The following NAV1 variants were observed in gnomAD, a reference collection of about 807,000 sequenced individuals.
The protein encoded by NAV1 is pore membrane and/or filament interacting like protein 3.
In NAV1, 18 loss-of-function variants were observed where a neutral mutation model predicts 175.2. The ratio of observed to expected loss-of-function variants is 0.10; its 90% CI spans 0.07 to 0.15. NAV1 has a LOEUF of 0.15. Among genes scored for constraint, NAV1 ranks in the 10% least tolerant of loss-of-function variants. The pLI, the probability that NAV1 is intolerant of heterozygous loss-of-function variation, is 1.00. For synonymous variants in NAV1, 897 were observed against 978.7 expected (o/e 0.92, Z 1.56); for missense variants, 1,731 against 2,436.6 (o/e 0.71, Z 6.10).
At chr1:201,641,435 G>C (rs12406293) in intron 2 of NAV1, among the ~76,000 whole-genome samples, 9 of 152,138 alleles carry the variant, frequency 5.9e-5, no homozygotes, top group Admixed American at 5.9e-4. Context: ...AGCCTACCAA[G>C]GCTCCCATCT....
At chr1:201,612,841 G>A (rs956859294) in intron 2 of NAV1, among the ~76,000 whole-genome samples, 2 of 152,124 alleles carry the variant, frequency 1.3e-5, no homozygotes, top group African/African-American at 2.4e-5. Flanking sequence ...GAGTGAGTGT[G>A]TGTATGTCTG....
chr1:201,754,276 A>G (rs1174517576), intron 3 of NAV1, among the ~76,000 whole-genome samples: 1 of 152,196 alleles, frequency 6.6e-6, no homozygotes, highest in Admixed American at 6.5e-5. Context: ...GAAGAGGAAC[A>G]CCAGTAAGTC....
intron 15 of NAV1, among the ~76,000 whole-genome samples, chr1:201,802,136 CAAAAA>C (rs771631007): frequency 2.5e-4 from 5 of 20,302 alleles, no homozygotes; most frequent in Non-Finnish European, 5.5e-4. Flanking sequence ...GACTCCGTCT[CAAAAA>C]AAAAAAAAAA....
chr1:201,630,422 C>G (rs1438400049), intron 2 of NAV1, among the ~76,000 whole-genome samples: 1 of 152,226 alleles, frequency 6.6e-6, no homozygotes, highest in Non-Finnish European at 1.5e-5. Context: ...GCGGGCCAAG[C>G]TGGGGCTTAG....
intron 13 of NAV1, 26 bp from the exon 18 acceptor site, chr1:201,793,766 G>A: frequency 6.2e-7 from 1 of 1,607,212 alleles, no homozygotes; most frequent in Non-Finnish European, 8.5e-7. Context: ...ATGCAACTTA[G>A]CAATCTCTTT....
intron 2 of NAV1, among the ~76,000 whole-genome samples, chr1:201,612,604 G>A (rs999399013): frequency 6.6e-6 from 1 of 152,226 alleles, no homozygotes; most frequent in Non-Finnish European, 1.5e-5. Flanking sequence ...TCACGTGGTG[G>A]AAGAAAGGGG....
chr1:201,668,917 C>T lies in NAV1; in HGVS notation c.757+19492C>T, dbSNP rs113321299. On this transcript the variant is annotated intron_variant, in intron 1 of 29. Transcript: ENST00000367296. ...CTCCTCTGTTGAGCAGAGCCATGGG[C>T]GGTGTGCTGAGAAACAGCATCGGGT... Among the ~76,000 whole-genome samples the T allele has an allele frequency of 9.6e-3, 1,455 of 152,190 alleles. 21 individuals carry two copies. Among genetic ancestry groups the T allele is most frequent in the African/African-American group, 0.033 (1,362 of 41,520 alleles).
chr1:201,586,758 T>C (rs1467776119), intron 1 of NAV1, among the ~76,000 whole-genome samples: 2 of 152,190 alleles, frequency 1.3e-5, no homozygotes, highest in African/African-American at 4.8e-5. Flanking sequence ...CCCACTGATA[T>C]GATCTCATTT....
intron 1 of NAV1, among the ~76,000 whole-genome samples, chr1:201,685,383 C>T (rs1670644635): frequency 6.6e-6 from 1 of 152,214 alleles, no homozygotes; most frequent in Non-Finnish European, 1.5e-5. Flanking sequence ...AAACTCAGAC[C>T]AGCCCCATCA....
At chr1:201,735,837 G>A (rs945484652) in intron 3 of NAV1, among the ~76,000 whole-genome samples, 1 of 152,174 alleles carries the variant, frequency 6.6e-6, no homozygotes, top group Non-Finnish European at 1.5e-5. Context: ...TGGGGGATCT[G>A]GGAGCAGGTT....
At position 201,554,190 on chromosome 1, in the gene NAV1, T is replaced by C. The variant is rs186446220; in HGVS notation, c.-144+14848T>C. On this transcript the variant is annotated intron_variant, in intron 1 of 33. Coordinates refer to the NAV1 transcript ENST00000685211. ...ACAGAATGTTATTCTTTAATCTGAA[T>C]TGAGCTGACACGTGTTGACAGACAG... Among the ~76,000 whole-genome samples the C allele has an allele frequency of 1.1e-4, 17 of 152,304 alleles. No homozygotes were observed. The South Asian group carries it at 2.3e-3, about 20-fold the overall frequency.
At chr1:201,776,750 A>T (rs189800227) in intron 3 of NAV1, among the ~76,000 whole-genome samples, 8 of 152,218 alleles carry the variant, frequency 5.3e-5, no homozygotes, top group African/African-American at 1.7e-4. Flanking sequence ...ACTCTAGAAG[A>T]GAGAACTGAA....
At chr1:201,676,914 C>T (rs1670274296) in intron 1 of NAV1, among the ~76,000 whole-genome samples, 1 of 152,132 alleles carries the variant, frequency 6.6e-6, no homozygotes, top group Admixed American at 6.6e-5. Context: ...AATTCTACTT[C>T]TGAGCCCCTA....
chr1:201,669,857 G>A (rs1669967960), intron 1 of NAV1, among the ~76,000 whole-genome samples: 1 of 152,116 alleles, frequency 6.6e-6, no homozygotes, highest in Non-Finnish European at 1.5e-5. Flanking sequence ...AAGAGACAGG[G>A]ACTTGTGGGC....
chr1:201,641,247 T>G (rs533900950), intron 2 of NAV1, among the ~76,000 whole-genome samples: 2 of 152,202 alleles, frequency 1.3e-5, no homozygotes, highest in Non-Finnish European at 2.9e-5. Context: ...TCAAAATATA[T>G]GCAGAGCCTG....
chr1:201,720,006 GAATGGAGTTGTTTACTGCCTGTTA>G, intron 3 of NAV1, among the ~76,000 whole-genome samples: 1 of 152,358 alleles, frequency 6.6e-6, no homozygotes, highest in Admixed American at 6.5e-5. Flanking sequence ...ACTGACGCAT[GAATGGAGTTGTTTACTGCCTGTTA>G]AATCCCAGGG....
Position 201,819,805 on chromosome 1 carries a change from T to A in NAV1, c.5539-32T>A, listed in dbSNP as rs373425824. 29 of 1,598,936 alleles carry A rather than the reference T, an allele frequency of 1.8e-5. 1 individual carries two copies. Among genetic ancestry groups the A allele is most frequent in the Non-Finnish European group, 2.4e-5 (28 of 1,166,372 alleles). On this transcript the variant is annotated intron_variant, in intron 29 of 29. Transcript: ENST00000367296. ...TGTGGGCAGGACCCAGAGTCCCAACTCTCATAAATCCATCTTTTTGCCCCC... is the reference window on the plus strand; with the variant it reads ...TGTGGGCAGGACCCAGAGTCCCAACACTCATAAATCCATCTTTTTGCCCCC...
intron 1 of NAV1, among the ~76,000 whole-genome samples, chr1:201,691,832 A>G (rs992967873): frequency 3.3e-5 from 5 of 152,216 alleles, no homozygotes; most frequent in African/African-American, 4.8e-5. Context: ...ATATTTCTCA[A>G]CACAGCCCTC....
At chr1:201,779,703 G>A (rs760830559) in intron 3 of NAV1, among the ~76,000 whole-genome samples, 6 of 151,438 alleles carry the variant, frequency 4.0e-5, no homozygotes, top group Non-Finnish European at 8.8e-5. Context: ...ATGAAGTAGC[G>A]TTTTTGGATA....
Sources: allele counts gnomAD v4.1 joint callset (sites outside exome capture counted in the v4.1 genomes callset), GRCh38; gene constraint gnomAD v4.1.1; transcripts MANE v1.5; gene names NCBI Gene and HGNC (gene_info 2026-07-23, HGNC 2026-07-21).